The following CDKAL1 variants were observed in gnomAD, a reference collection of about 807,000 sequenced individuals.
CDKAL1 encodes the protein threonylcarbamoyladenosine tRNA methylthiotransferase.
A neutral mutation model predicts 68.2 loss-of-function variants in CDKAL1; 32 were observed. That is an observed-to-expected ratio of 0.47 (90% CI 0.35 to 0.63). The LOEUF (loss-of-function observed/expected upper bound fraction) is 0.63. CDKAL1 is among the 30% of genes least tolerant of loss of function. The pLI is 0.00. For synonymous variants in CDKAL1, 234 were observed against 244.3 expected (o/e 0.96, Z 0.39); for missense variants, 606 against 696.7 (o/e 0.87, Z 1.47).
chr6:21,069,626 TTTG>T (rs1165529144), intron 12 of CDKAL1, among the ~76,000 whole-genome samples: 1 of 152,090 alleles, frequency 6.6e-6, no homozygotes, highest in East Asian at 1.9e-4. Flanking sequence ...TCTTCTTAAT[TTTG>T]TTATCAGAGT....
intron 8 of CDKAL1, among the ~76,000 whole-genome samples, chr6:20,788,100 G>A (rs997007205): frequency 1.3e-5 from 2 of 152,084 alleles, no homozygotes; most frequent in Non-Finnish European, 1.5e-5. Flanking sequence ...TTTCAAAAAT[G>A]GAAACTTATT....
Position 20,768,722 on chromosome 6 carries a change from G to A in CDKAL1, c.517+10079G>A, listed in dbSNP as rs181228785. 2.3e-3 allele frequency among the ~76,000 whole-genome samples: 349 copies of A among 152,152 alleles called. 2 individuals are homozygous for A. Among genetic ancestry groups the A allele is most frequent in the Admixed American group, 6.0e-3 (92 of 15,288 alleles). On this transcript the variant is annotated intron_variant, in intron 7 of 15. Transcript: ENST00000274695. ...TTTGAAGGAGCTTTCATTTCCACCC[G>A]GGAGCATGTTTATTTTCAGGACTTT... is the stretch of plus-strand genomic sequence containing the variant.
intron 5 of CDKAL1, among the ~76,000 whole-genome samples, chr6:20,735,162 A>C (rs1475239068): frequency 6.6e-6 from 1 of 152,026 alleles, no homozygotes; most frequent in Non-Finnish European, 1.5e-5. Flanking sequence ...GAGCCACTGC[A>C]TCCGACCTTC....
At chr6:20,765,145 C>CTTTTTTTT (rs573930548) in intron 7 of CDKAL1, among the ~76,000 whole-genome samples, 1 of 28,892 alleles carries the variant, frequency 3.5e-5, no homozygotes, top group African/African-American at 1.6e-4. Context: ...TGGTTACATT[C>CTTTTTTTT]TTTTTTTTTT....
At chr6:20,641,814 A>G (rs1768189769) in intron 4 of CDKAL1, among the ~76,000 whole-genome samples, 1 of 147,732 alleles carries the variant, frequency 6.8e-6, no homozygotes, top group African/African-American at 2.5e-5. Context: ...ACTTATTTAT[A>G]TATGTTTGTG....
intron 4 of CDKAL1, among the ~76,000 whole-genome samples, chr6:20,578,331 C>G (rs1234637628): frequency 6.6e-6 from 1 of 152,090 alleles, no homozygotes; most frequent in Non-Finnish European, 1.5e-5. Context: ...CTACCTCTCT[C>G]CCATCAACCC....
At chr6:21,206,858 G>T (rs1778958178) in intron 15 of CDKAL1, among the ~76,000 whole-genome samples, 1 of 151,936 alleles carries the variant, frequency 6.6e-6, no homozygotes, top group Non-Finnish European at 1.5e-5. Flanking sequence ...TTTAAAGAAA[G>T]AATTCAGTAA....
At chr6:20,935,212 C>T (rs1483697114) in intron 9 of CDKAL1, among the ~76,000 whole-genome samples, 2 of 151,738 alleles carry the variant, frequency 1.3e-5, no homozygotes, top group African/African-American at 2.4e-5. Flanking sequence ...CTTTTTATTA[C>T]ATCAAATGTT....
In CDKAL1 at chr6:20,978,205, A is replaced by G. The variant is rs114736124; in HGVS notation, c.910-22022A>G. Among the ~76,000 whole-genome samples the G allele has an allele frequency of 2.6e-3, 401 of 152,368 alleles. 3 individuals are homozygous for G. The highest frequency in any genetic ancestry group is 9.2e-3 in the African/African-American group (381 of 41,582). Reference sequence around the variant, plus strand: ...AAGGACATTCCACATAAAATGTTGCAGAGGTTCCGCTTTGGAGGGTTTTGT... The same window carrying G: ...AAGGACATTCCACATAAAATGTTGCGGAGGTTCCGCTTTGGAGGGTTTTGT... On this transcript the variant is annotated intron_variant, in intron 10 of 15. Coordinates refer to ENST00000274695, the MANE Select transcript of CDKAL1 (RefSeq NM_017774.3).
At chr6:20,916,420 G>A (rs887421037) in intron 9 of CDKAL1, among the ~76,000 whole-genome samples, 1 of 152,186 alleles carries the variant, frequency 6.6e-6, no homozygotes, top group African/African-American at 2.4e-5. Context: ...ATCTACAGAT[G>A]TTAGAGAAGT....
intron 13 of CDKAL1, among the ~76,000 whole-genome samples, chr6:21,191,542 C>T (rs1056177491): frequency 1.3e-5 from 2 of 152,188 alleles, no homozygotes; most frequent in African/African-American, 4.8e-5. Context: ...AAGTTTTCCA[C>T]AGCTAGCAAT....
chr6:20,973,957 T>C (rs940513270), intron 10 of CDKAL1, among the ~76,000 whole-genome samples: 8 of 152,322 alleles, frequency 5.3e-5, no homozygotes, highest in African/African-American at 1.7e-4. Flanking sequence ...AAGAAATTAT[T>C]GTTGTAGACG....
intron 9 of CDKAL1, among the ~76,000 whole-genome samples, chr6:20,882,625 C>G (rs926311501): frequency 2.6e-5 from 4 of 152,072 alleles, no homozygotes; most frequent in Admixed American, 2.6e-4. Context: ...ATGTTCATTC[C>G]TTTTTATTGC....
chr6:21,137,466 A>G (rs1320507560), intron 13 of CDKAL1, among the ~76,000 whole-genome samples: 2 of 152,222 alleles, frequency 1.3e-5, no homozygotes, highest in Non-Finnish European at 2.9e-5. Flanking sequence ...GGTTTTTAAA[A>G]GGAGATAAGG....
At chr6:20,625,667 T>C (rs768012846) in intron 4 of CDKAL1, among the ~76,000 whole-genome samples, 4 of 152,138 alleles carry the variant, frequency 2.6e-5, no homozygotes, top group Non-Finnish European at 4.4e-5. Context: ...ATTTGTAATA[T>C]TTAGATCCAT....
At chr6:20,913,116 TACACACACACACAC>T (rs70990080) in intron 9 of CDKAL1, among the ~76,000 whole-genome samples, 50 of 136,544 alleles carry the variant, frequency 3.7e-4, no homozygotes, top group Middle Eastern at 3.7e-3. Flanking sequence ...CACAGTTGTT[TACACACACACACAC>T]ACACACACAC....
chr6:20,913,793 C>A (rs149824017), intron 9 of CDKAL1, among the ~76,000 whole-genome samples: 193 of 152,218 alleles, frequency 1.3e-3, no homozygotes, highest in African/African-American at 4.2e-3. Flanking sequence ...CCAGTCCAGA[C>A]AACATAGTGA....
intron 5 of CDKAL1, among the ~76,000 whole-genome samples, chr6:20,670,196 A>G (rs762208933): frequency 6.6e-6 from 1 of 152,202 alleles, no homozygotes; most frequent in Non-Finnish European, 1.5e-5. Flanking sequence ...TTACTAACAC[A>G]AATATAATAT....
At chr6:21,207,162 C>T (rs1317948472) in intron 15 of CDKAL1, among the ~76,000 whole-genome samples, 1 of 152,104 alleles carries the variant, frequency 6.6e-6, no homozygotes, top group Non-Finnish European at 1.5e-5. Context: ...ATCCACCTGC[C>T]TCAGCCTTCC....
Sources: allele counts gnomAD v4.1 joint callset (sites outside exome capture counted in the v4.1 genomes callset), GRCh38; gene constraint gnomAD v4.1.1; transcripts MANE v1.5; gene names NCBI Gene and HGNC (gene_info 2026-07-23, HGNC 2026-07-21).